Variants in MVB12B observed in about 807,000 individuals in gnomAD.
MVB12B encodes ESCRT-I complex subunit MVB12B.
MVB12B carries 16 observed loss-of-function variants against 41.6 expected under a neutral mutation model. That is an observed-to-expected ratio of 0.38 (90% CI 0.26 to 0.58). MVB12B has a LOEUF of 0.58. MVB12B is among the 20% of genes least tolerant of loss of function. The pLI is 0.62. For synonymous variants in MVB12B, 133 were observed against 139.7 expected, an observed-to-expected ratio of 0.95 and a Z score of 0.34; for missense variants, 274 against 380.2, an observed-to-expected ratio of 0.72 and a Z score of 2.32.
chr9:126,492,482 C>T (rs938828388), intron 9 of MVB12B, among the ~76,000 whole-genome samples: 1 of 152,044 alleles, frequency 6.6e-6, no homozygotes, highest in African/African-American at 2.4e-5. Flanking sequence ...GGGACCTTTC[C>T]TCACATCCTT....
intron 6 of MVB12B, among the ~76,000 whole-genome samples, chr9:126,404,862 A>G (rs1445781871): frequency 6.6e-6 from 1 of 152,208 alleles, no homozygotes; most frequent in East Asian, 1.9e-4. Flanking sequence ...GGTTATTTGA[A>G]TATCTTCAAA....
At chr9:126,477,742 A>G (rs1833448341) in intron 7 of MVB12B, among the ~76,000 whole-genome samples, 1 of 152,182 alleles carries the variant, frequency 6.6e-6, no homozygotes, top group Non-Finnish European at 1.5e-5. Context: ...ATTCAAGATG[A>G]TATTTGGGCG....
chr9:126,401,856 C>T (rs1050995223), intron 6 of MVB12B, among the ~76,000 whole-genome samples: 3 of 152,228 alleles, frequency 2.0e-5, no homozygotes, highest in African/African-American at 7.2e-5. Flanking sequence ...AGGTCACTGG[C>T]TGGAGCCTTG....
intron 7 of MVB12B, among the ~76,000 whole-genome samples, chr9:126,460,518 C>T (rs576013250): frequency 3.9e-5 from 6 of 152,154 alleles, no homozygotes; most frequent in Admixed American, 3.3e-4. Flanking sequence ...AGCATCTGCT[C>T]GGACTCCATT....
At chr9:126,405,086 C>T (rs1011364593) in intron 6 of MVB12B, among the ~76,000 whole-genome samples, 3 of 152,154 alleles carry the variant, frequency 2.0e-5, no homozygotes, top group South Asian at 2.1e-4. Context: ...ATTGACGATT[C>T]GTCAGTTCAG....
intron 7 of MVB12B, among the ~76,000 whole-genome samples, chr9:126,447,206 A>G (rs1160594500): frequency 2.0e-5 from 3 of 149,532 alleles, no homozygotes; most frequent in Non-Finnish European, 4.4e-5. Context: ...CGGCCTCCCA[A>G]AGGGCTAGGA....
At chr9:126,398,270 C>T (rs981138039) in intron 6 of MVB12B, among the ~76,000 whole-genome samples, 19 of 151,814 alleles carry the variant, frequency 1.3e-4, no homozygotes, top group South Asian at 2.1e-4. Context: ...CCGAGGAGCT[C>T]CCCAGCGCCT....
At chr9:126,430,751 C>T (rs1832308884) in intron 7 of MVB12B, among the ~76,000 whole-genome samples, 1 of 151,998 alleles carries the variant, frequency 6.6e-6, no homozygotes, top group African/African-American at 2.4e-5. Flanking sequence ...AGAATCTTGG[C>T]TCTGACACAT....
chr9:126,483,089 T>C (rs1328879138), intron 8 of MVB12B, among the ~76,000 whole-genome samples: 5 of 152,194 alleles, frequency 3.3e-5, no homozygotes, highest in African/African-American at 1.2e-4. Context: ...TTCAGGACCA[T>C]GCGGGCCCTG....
At chr9:126,353,099 G>A (rs1013930765) in intron 2 of MVB12B, among the ~76,000 whole-genome samples, 2 of 152,156 alleles carry the variant, frequency 1.3e-5, no homozygotes, top group African/African-American at 4.8e-5. Context: ...GAAAGGTGGA[G>A]ACTACTGAAG....
intron 3 of MVB12B, among the ~76,000 whole-genome samples, chr9:126,382,987 A>G (rs1361517494): frequency 2.0e-4 from 30 of 152,350 alleles, no homozygotes; most frequent in Non-Finnish European, 2.9e-5. Flanking sequence ...CCTCTGCCTC[A>G]CTTTTGAAGC....
chr9:126,495,539 C>G (rs1244415456), intron 9 of MVB12B, among the ~76,000 whole-genome samples: 1 of 152,184 alleles, frequency 6.6e-6, no homozygotes, highest in South Asian at 2.1e-4. Flanking sequence ...CCCCATCATC[C>G]TATACATGCA....
intron 6 of MVB12B, among the ~76,000 whole-genome samples, chr9:126,398,958 C>G (rs774302618): frequency 1.3e-5 from 2 of 152,234 alleles, no homozygotes; most frequent in Admixed American, 6.5e-5. Flanking sequence ...CGTCTGTAGG[C>G]CATCACCTGA....
chr9:126,370,635 A>G (rs1482328860), intron 2 of MVB12B, among the ~76,000 whole-genome samples: 2 of 149,154 alleles, frequency 1.3e-5, no homozygotes, highest in Non-Finnish European at 3.0e-5. Context: ...ACCCACCTCG[A>G]CCTCCCAAAG....
chr9:126,461,773 G>A (rs538655762), intron 7 of MVB12B, among the ~76,000 whole-genome samples: 1 of 152,222 alleles, frequency 6.6e-6, no homozygotes, highest in African/African-American at 2.4e-5. Context: ...GTGGGCTCCC[G>A]GGGTGGGTGG....
At chr9:126,429,984 C>T (rs779242964) in intron 7 of MVB12B, among the ~76,000 whole-genome samples, 13 of 152,168 alleles carry the variant, frequency 8.5e-5, no homozygotes, top group Admixed American at 3.3e-4. Context: ...GACCTCTCTT[C>T]GCACACCTGC....
chr9:126,426,971 C>T (rs535042990), intron 7 of MVB12B: 2 of 152,462 alleles, frequency 1.3e-5, no homozygotes, highest in East Asian at 1.9e-4. Flanking sequence ...AATGAGTGCT[C>T]TTGTTTTCTT....
At chr9:126,499,884 A>G (rs1313343596) in intron 9 of MVB12B, among the ~76,000 whole-genome samples, 2 of 151,864 alleles carry the variant, frequency 1.3e-5, no homozygotes, top group Non-Finnish European at 2.9e-5. Flanking sequence ...GCCGGGAGAG[A>G]GGAGCTCAGC....
chr9:126,463,462 A>T (rs1361086501), intron 7 of MVB12B, among the ~76,000 whole-genome samples: 3 of 152,178 alleles, frequency 2.0e-5, no homozygotes, highest in African/African-American at 7.2e-5. Context: ...TTATGAAGAG[A>T]TGACCTGGTT....
Sources: gnomAD v4.1 joint callset for allele counts (sites outside exome capture counted in the v4.1 genomes callset) on GRCh38, gnomAD v4.1.1 for gene constraint, MANE v1.5 for transcripts, NCBI Gene and HGNC (gene_info 2026-07-23, HGNC 2026-07-21) for gene names.